SLC24A2: variants seen among roughly 807,000 people sequenced by gnomAD.
SLC24A2 encodes sodium/potassium/calcium exchanger 2.
SLC24A2 carries 36 observed loss-of-function variants against 62.0 expected under a neutral mutation model. The observed-to-expected ratio is 0.58, with a 90% CI of 0.44 to 0.77. SLC24A2 has a LOEUF of 0.77. Ranked by LOEUF, SLC24A2 falls within the 30% of genes least tolerant of loss-of-function variation. The pLI is 0.00. For synonymous variants in SLC24A2, 358 were observed against 294.0 expected (o/e 1.22, Z -2.23); for missense variants, 846 against 817.9 (o/e 1.03, Z -0.42).
the SLC24A2 span, among the ~76,000 whole-genome samples, chr9:20,010,814 G>T: frequency 3.6e-5 from 5 of 137,896 alleles, no homozygotes; most frequent in African/African-American, 1.4e-4. Flanking sequence ...CTGTGCCCAA[G>T]TGTTCTCATT....
the SLC24A2 span, among the ~76,000 whole-genome samples, chr9:20,103,048 C>A: frequency 5.3e-5 from 8 of 152,200 alleles, no homozygotes; most frequent in Admixed American, 5.2e-4. Context: ...AGATTATATC[C>A]CACGCCTGGC....
chr9:20,161,581 T>C, the SLC24A2 span, among the ~76,000 whole-genome samples: 2 of 151,434 alleles, frequency 1.3e-5, no homozygotes, highest in East Asian at 3.9e-4. Flanking sequence ...TGAGAAACTA[T>C]ATTAATATAA....
At chr9:19,671,863 C>A (rs1819428040) in intron 2 of SLC24A2, among the ~76,000 whole-genome samples, 1 of 147,602 alleles carries the variant, frequency 6.8e-6, no homozygotes, top group Non-Finnish European at 1.5e-5. Flanking sequence ...CATTTATTGA[C>A]TTGCAGATGT....
Position 19,549,141 on chromosome 9 carries a change from A to C in SLC24A2, c.1479+996T>G, listed in dbSNP as rs189897133. Among the ~76,000 whole-genome samples the C allele has an allele frequency of 9.2e-5, 14 of 152,346 alleles. No homozygotes were observed. The East Asian group carries it at 2.7e-3, about 29-fold the overall frequency. On this transcript the variant is annotated intron_variant, in intron 8 of 10. Transcript: ENST00000341998. ...CCAGTATGTGATAATGGTAGATAAT[A>C]AAATCGATTAAAGTAATGATAGTAA...
the SLC24A2 span, among the ~76,000 whole-genome samples, chr9:19,981,622 T>C: frequency 6.6e-6 from 1 of 152,324 alleles, no homozygotes; most frequent in Non-Finnish European, 1.5e-5. Context: ...TCATAGGTAG[T>C]TGATCTAGGC....
chr9:20,248,049 T>C, the SLC24A2 span, among the ~76,000 whole-genome samples: 1 of 152,256 alleles, frequency 6.6e-6, no homozygotes, highest in African/African-American at 2.4e-5. Flanking sequence ...AAAGTGGATG[T>C]CAGAAAATCC....
intron 8 of SLC24A2, among the ~76,000 whole-genome samples, chr9:19,544,852 C>CT (rs1393410715): frequency 6.6e-6 from 1 of 152,122 alleles, no homozygotes; most frequent in Non-Finnish European, 1.5e-5. Context: ...TCTGGCTGCC[C>CT]TTAACAATTT....
intron 4 of SLC24A2, 95 bp downstream of exon 4, chr9:19,619,489 G>A (rs1218158310): frequency 2.7e-5 from 26 of 968,716 alleles, no homozygotes; most frequent in Middle Eastern, 2.1e-4. Context: ...GCTGGCAGGC[G>A]TGCATGACGA....
In SLC24A2 at chr9:19,619,741, G is replaced by A. The variant is rs1327517868; in HGVS notation, c.970-49C>T. 4 of 1,380,564 alleles carry A rather than the reference G, an allele frequency of 2.9e-6. No individual in the cohort carries two copies. In the African/African-American group the frequency reaches 5.7e-5, roughly 20 times the overall value. 85.5% of individuals were successfully genotyped at this position (1,380,564 alleles called of 1,614,324 possible). A position where few individuals can be genotyped will look rare whatever the true frequency, so the allele number is the denominator to read the frequency against. ...GGTTAGTCTCAGGAATGAAAGACAA[G>A]TGCATTATAGACAAGATCCTCACCT... is the stretch of plus-strand genomic sequence containing the variant. On this transcript the variant is annotated intron_variant, in intron 3 of 10. Transcript: ENST00000341998.
chr9:19,975,461 G>A, the SLC24A2 span, among the ~76,000 whole-genome samples: 6 of 152,266 alleles, frequency 3.9e-5, no homozygotes, highest in African/African-American at 9.6e-5. Flanking sequence ...GGAATCAGAT[G>A]GACCTGTGTC....
At chr9:19,869,022 C>A in the SLC24A2 span, among the ~76,000 whole-genome samples, 157 of 152,192 alleles carry the variant, frequency 1.0e-3, no homozygotes, top group African/African-American at 3.6e-3. Context: ...CACTCTGTTA[C>A]CCAGGCTGGA....
chr9:19,678,658 T>C (rs1819625633), intron 2 of SLC24A2, among the ~76,000 whole-genome samples: 1 of 152,196 alleles, frequency 6.6e-6, no homozygotes, highest in Non-Finnish European at 1.5e-5. Flanking sequence ...TACAGAGCCT[T>C]TGCCTTTTCA....
the SLC24A2 span, among the ~76,000 whole-genome samples, chr9:20,010,657 C>T: frequency 5.9e-5 from 9 of 152,006 alleles, no homozygotes; most frequent in Admixed American, 4.6e-4. Flanking sequence ...ATGTGCACAA[C>T]ATGCAGGTTT....
At chr9:20,073,341 T>A in the SLC24A2 span, among the ~76,000 whole-genome samples, 1 of 152,196 alleles carries the variant, frequency 6.6e-6, no homozygotes, top group Admixed American at 6.6e-5. Flanking sequence ...CTCATCTGAT[T>A]AAGTCAGACC....
the SLC24A2 span, among the ~76,000 whole-genome samples, chr9:20,027,263 T>A: frequency 6.6e-6 from 1 of 152,080 alleles, no homozygotes; most frequent in African/African-American, 2.4e-5. Context: ...ATATTAAAAA[T>A]AGAACTACCA....
chr9:20,089,988 A>C, the SLC24A2 span, among the ~76,000 whole-genome samples: 52,723 of 151,820 alleles, frequency 0.35, 10,880 homozygotes, highest in East Asian at 0.72. Flanking sequence ...AAGGAGGAAC[A>C]AAAAGCCCCT....
chr9:19,700,182 T>C (rs1820314108), intron 2 of SLC24A2, among the ~76,000 whole-genome samples: 1 of 152,202 alleles, frequency 6.6e-6, no homozygotes, highest in Admixed American at 6.5e-5. Context: ...ACCAACTTCT[T>C]GGTTTTATGA....
At chr9:19,825,342 A>G in the SLC24A2 span, among the ~76,000 whole-genome samples, 2 of 152,178 alleles carry the variant, frequency 1.3e-5, no homozygotes, top group Non-Finnish European at 2.9e-5. Flanking sequence ...TAATTTAGTA[A>G]GTGCTCACTA....
At chr9:20,040,722 T>C in the SLC24A2 span, among the ~76,000 whole-genome samples, 4 of 152,210 alleles carry the variant, frequency 2.6e-5, no homozygotes, top group African/African-American at 4.8e-5. Context: ...TCAGTGAAGA[T>C]GCATCATGGC....
Sources: gnomAD v4.1 joint callset for allele counts (sites outside exome capture counted in the v4.1 genomes callset) on GRCh38, gnomAD v4.1.1 for gene constraint, MANE v1.5 for transcripts, NCBI Gene and HGNC (gene_info 2026-07-23, HGNC 2026-07-21) for gene names.